LRRTM4: variants seen among roughly 807,000 people sequenced by gnomAD.
LRRTM4 encodes the protein leucine-rich repeat transmembrane neuronal protein 4.
A neutral mutation model predicts 47.6 loss-of-function variants in LRRTM4; 25 were observed. The ratio of observed to expected loss-of-function variants is 0.53; its 90% confidence interval spans 0.38 to 0.73. The LOEUF (loss-of-function observed/expected upper bound fraction) is 0.73, where lower values mean the gene tolerates loss of function less well. Among genes scored for constraint, LRRTM4 ranks in the 30% least tolerant of loss-of-function variants. The probability of loss-of-function intolerance (pLI) is 0.00; values close to 1 mark genes in which losing one functional copy is unlikely to be tolerated. For missense variants in LRRTM4, 638 were observed against 713.4 expected (o/e 0.89, Z 1.20); for synonymous variants, 311 against 269.5 (o/e 1.15, Z -1.51).
intron 3 of LRRTM4, among the ~76,000 whole-genome samples, chr2:76,836,411 T>C (rs1671514676): frequency 6.6e-6 from 1 of 152,028 alleles, no homozygotes; most frequent in African/African-American, 2.4e-5. Context: ...ATCATGTCTA[T>C]GCCAGCATTT....
chr2:77,400,516 G>A (rs777619980), intron 3 of LRRTM4, among the ~76,000 whole-genome samples: 26 of 151,852 alleles, frequency 1.7e-4, no homozygotes, highest in Non-Finnish European at 3.4e-4. Flanking sequence ...GGAGGATGCT[G>A]ACAAGTCTCC....
chr2:76,972,120 A>C (rs1228425308), intron 3 of LRRTM4, among the ~76,000 whole-genome samples: 1 of 151,992 alleles, frequency 6.6e-6, no homozygotes, highest in Non-Finnish European at 1.5e-5. Flanking sequence ...AGTCATTCTC[A>C]ACTGACATCT....
chr2:77,285,363 T>TATATATATATATATATATATATATA (rs1676625877), intron 3 of LRRTM4, among the ~76,000 whole-genome samples: 4 of 143,424 alleles, frequency 2.8e-5, no homozygotes, highest in Non-Finnish European at 4.6e-5. Flanking sequence ...TATATATATA[T>TATATATATATATATATATATATATA]GGCCAATAGA....
At chr2:77,316,381 T>C (rs2104212697) in intron 3 of LRRTM4, among the ~76,000 whole-genome samples, 1 of 152,320 alleles carries the variant, frequency 6.6e-6, no homozygotes, top group South Asian at 2.1e-4. Flanking sequence ...AAATGTTCTA[T>C]GTCAACTGTA....
chr2:77,137,361 A>T (rs1466894970), intron 3 of LRRTM4, among the ~76,000 whole-genome samples: 1 of 151,956 alleles, frequency 6.6e-6, no homozygotes, highest in Non-Finnish European at 1.5e-5. Context: ...AGAATTTCAT[A>T]TCCAGCCAAA....
chr2:76,932,223 C>T (rs1674793429), intron 3 of LRRTM4, among the ~76,000 whole-genome samples: 1 of 152,046 alleles, frequency 6.6e-6, no homozygotes, highest in Non-Finnish European at 1.5e-5. Context: ...CCTGAAATGA[C>T]TGAACCTTGA....
chr2:77,036,406 T>G (rs1678838894), intron 3 of LRRTM4, among the ~76,000 whole-genome samples: 1 of 151,648 alleles, frequency 6.6e-6, no homozygotes, highest in South Asian at 2.1e-4. Context: ...CATTATTAAT[T>G]TTTCTGGCAA....
intron 3 of LRRTM4, among the ~76,000 whole-genome samples, chr2:77,186,391 A>T (rs1404319846): frequency 6.6e-6 from 1 of 152,168 alleles, no homozygotes; most frequent in Non-Finnish European, 1.5e-5. Flanking sequence ...TGCATGATGC[A>T]CATGTCTCAG....
intron 3 of LRRTM4, among the ~76,000 whole-genome samples, chr2:76,909,977 C>T (rs550613032): frequency 6.6e-6 from 1 of 152,158 alleles, no homozygotes; most frequent in South Asian, 2.1e-4. Context: ...ACCATTTGAC[C>T]CAGCCATCCC....
intron 3 of LRRTM4, among the ~76,000 whole-genome samples, chr2:77,260,377 G>GTGTGTA (rs1288715262): frequency 3.5e-5 from 3 of 85,742 alleles, no homozygotes; most frequent in African/African-American, 1.8e-4. Context: ...AAAAAATCGT[G>GTGTGTA]TGTGTGTGTG....
chr2:76,786,540 T>C (rs1419887507), intron 3 of LRRTM4, among the ~76,000 whole-genome samples: 2 of 151,826 alleles, frequency 1.3e-5, no homozygotes, highest in Admixed American at 6.6e-5. Flanking sequence ...TTTGAAGGAG[T>C]TGTCTGATTC....
At chr2:76,868,887 T>G (rs1327252177) in intron 3 of LRRTM4, among the ~76,000 whole-genome samples, 1 of 152,144 alleles carries the variant, frequency 6.6e-6, no homozygotes, top group East Asian at 1.9e-4. Context: ...TCTGTATTAT[T>G]ATACCTTTCC....
chr2:77,090,933 C>G (rs1670606990), intron 3 of LRRTM4, among the ~76,000 whole-genome samples: 1 of 152,062 alleles, frequency 6.6e-6, no homozygotes, highest in African/African-American at 2.4e-5. Flanking sequence ...AGCCCATCCC[C>G]TTCTTAATCA....
intron 3 of LRRTM4, among the ~76,000 whole-genome samples, chr2:77,303,343 G>A (rs905400736): frequency 2.6e-5 from 4 of 152,120 alleles, no homozygotes; most frequent in African/African-American, 9.7e-5. Context: ...TGATTAGTAT[G>A]TACTTAAAAG....
In LRRTM4 at chr2:77,138,243, G is replaced by A. The variant is rs550881190; in HGVS notation, c.1551+380075C>T. Reference sequence around the variant, plus strand: ...GGAAGTAAAGCACTCCTCAGCAAATGTAAAAGAACAGAAATTATAACAAAC... The same window carrying A: ...GGAAGTAAAGCACTCCTCAGCAAATATAAAAGAACAGAAATTATAACAAAC... On this transcript the variant is annotated intron_variant, in intron 3 of 3. Transcript: ENST00000409884. 2.6e-4 allele frequency among the ~76,000 whole-genome samples: 39 copies of A among 152,236 alleles called. No homozygotes were observed. In the South Asian group the frequency reaches 8.1e-3, roughly 32 times the overall value.
intron 3 of LRRTM4, among the ~76,000 whole-genome samples, chr2:77,509,531 AC>A (rs988778283): frequency 2.1e-4 from 32 of 152,166 alleles, no homozygotes; most frequent in African/African-American, 7.5e-4. Context: ...TATTCACTTT[AC>A]TAAAAATGTA....
intron 3 of LRRTM4, among the ~76,000 whole-genome samples, chr2:77,385,414 G>GA (rs1673222215): frequency 6.6e-6 from 1 of 152,118 alleles, no homozygotes; most frequent in Non-Finnish European, 1.5e-5. Context: ...CACTGGTAAG[G>GA]AAAAATCCTC....
At chr2:77,308,925 A>G (rs1677368089) in intron 3 of LRRTM4, among the ~76,000 whole-genome samples, 1 of 152,150 alleles carries the variant, frequency 6.6e-6, no homozygotes, top group Admixed American at 6.6e-5. Flanking sequence ...GAAACAACAA[A>G]AACAAAAACA....
chr2:76,833,769 T>C (rs1671425524), intron 3 of LRRTM4, among the ~76,000 whole-genome samples: 1 of 151,774 alleles, frequency 6.6e-6, no homozygotes. Context: ...CAATTTTAAA[T>C]TAGTAAAACT....
Sources: allele counts gnomAD v4.1 joint callset (sites outside exome capture counted in the v4.1 genomes callset), GRCh38; gene constraint gnomAD v4.1.1; transcripts MANE v1.5; gene names NCBI Gene and HGNC (gene_info 2026-07-23, HGNC 2026-07-21).